The following ZFAND4 variants were observed in gnomAD, a reference collection of about 807,000 sequenced individuals.
ZFAND4 encodes AN1-type zinc finger protein 4.
In ZFAND4, 43 loss-of-function variants were observed where a neutral mutation model predicts 64.4. The observed-to-expected ratio is 0.67, with a 90% CI of 0.52 to 0.86. The LOEUF is 0.86. ZFAND4 is among the 40% of genes least tolerant of loss of function. ZFAND4 has a pLI of 0.00. For missense variants in ZFAND4, 929 were observed against 859.8 expected, an observed-to-expected ratio of 1.08 and a Z score of -1.01; for synonymous variants, 296 against 305.7, an observed-to-expected ratio of 0.97 and a Z score of 0.33.
At chr10:45,664,460 G>A (rs1005754214) in intron 1 of ZFAND4, among the ~76,000 whole-genome samples, 1 of 151,358 alleles carries the variant, frequency 6.6e-6, no homozygotes, top group African/African-American at 2.4e-5. Context: ...GTAGAGACGG[G>A]GTTTCACCAC....
At chr10:45,648,943 C>T (rs117029589) in intron 4 of ZFAND4, 31,686 of 984,700 alleles carry the variant, frequency 0.032, 550 homozygotes, top group East Asian at 0.049. Context: ...ATAATTAAAA[C>T]CAAAATAAAT....
chr10:45,659,021 G>A (rs2048310967), intron 2 of ZFAND4, among the ~76,000 whole-genome samples: 3 of 152,174 alleles, frequency 2.0e-5, no homozygotes, highest in South Asian at 2.1e-4. Flanking sequence ...ATCCATTTAC[G>A]TGAAGCTGAA....
chr10:45,657,014 CTT>C (rs199943085), intron 2 of ZFAND4, among the ~76,000 whole-genome samples: 2,676 of 137,102 alleles, frequency 0.02, 68 homozygotes, highest in African/African-American at 0.065. Flanking sequence ...GCAACCTGAA[CTT>C]TTTTTTTTTT....
chr10:45,654,909 A>G (rs949183871), intron 2 of ZFAND4, among the ~76,000 whole-genome samples: 1 of 152,152 alleles, frequency 6.6e-6, no homozygotes. Context: ...ATAGTGGGGG[A>G]CTTTAACACT....
chr10:45,666,853 T>G (rs529374124), intron 1 of ZFAND4, among the ~76,000 whole-genome samples: 1 of 152,360 alleles, frequency 6.6e-6, no homozygotes, highest in South Asian at 2.1e-4. Context: ...GACTCTTTAT[T>G]CTGTTGATCT....
At position 45,627,054 on chromosome 10, in the gene ZFAND4, A is replaced by G; in HGVS notation, c.769T>C (p.Ser257Pro). Reference protein sequence around the residue: ...KPHPPVAPRPSSGSTAPSRHR... With the variant: ...KPHPPVAPRPPSGSTAPSRHR... ...CGAGATGGTGCAGTGGAACCACTAG[A>G]AGGTCGAGGAGCTACAGGTGGGTGA... is the stretch of plus-strand genomic sequence containing the variant. The change falls in exon 7 of 10, where the codon TCT becomes CCT. Residue 257 changes from serine (S) to proline (P), a missense_variant. Transcript: ENST00000344646. 1 of 1,588,384 alleles carries G rather than the reference A, an allele frequency of 6.3e-7. No individual in the cohort carries two copies. The highest frequency in any genetic ancestry group is 8.6e-7 in the Non-Finnish European group (1 of 1,166,216).
At chr10:45,631,706 A>C (rs1022058195) in intron 6 of ZFAND4, among the ~76,000 whole-genome samples, 7 of 152,300 alleles carry the variant, frequency 4.6e-5, no homozygotes, top group Admixed American at 3.3e-4. Context: ...GTAAGGATTA[A>C]GGCTAATGTT....
chr10:45,660,098 C>T (rs1395810430), intron 2 of ZFAND4, among the ~76,000 whole-genome samples: 2 of 147,490 alleles, frequency 1.4e-5, no homozygotes, highest in Admixed American at 1.4e-4. Context: ...GGAGGCAGAG[C>T]TTGCAGTGAG....
chr10:45,655,876 G>A (rs1250933086), intron 2 of ZFAND4, among the ~76,000 whole-genome samples: 1 of 152,086 alleles, frequency 6.6e-6, no homozygotes, highest in African/African-American at 2.4e-5. Context: ...TTTTTAAATT[G>A]CAAACAACAA....
intron 2 of ZFAND4, among the ~76,000 whole-genome samples, chr10:45,662,898 G>A (rs974468758): frequency 6.6e-6 from 1 of 151,974 alleles, no homozygotes; most frequent in African/African-American, 2.4e-5. Flanking sequence ...ACTAAAAACT[G>A]GATTTTTAAC....
At chr10:45,662,613 T>A (rs2048551746) in intron 2 of ZFAND4, 2 of 985,330 alleles carry the variant, frequency 2.0e-6, no homozygotes, top group Non-Finnish European at 2.4e-6. Context: ...GCTTCAAGAG[T>A]CATTACTGAA....
At chr10:45,633,481 G>C (rs2046357524) in intron 6 of ZFAND4, among the ~76,000 whole-genome samples, 2 of 151,926 alleles carry the variant, frequency 1.3e-5, no homozygotes, top group Non-Finnish European at 2.9e-5. Context: ...GAAATGAGAA[G>C]ATCCCTTGGT....
chr10:45,668,450 G>C (rs1315381886), intron 1 of ZFAND4, among the ~76,000 whole-genome samples: 1 of 152,230 alleles, frequency 6.6e-6, no homozygotes, highest in East Asian at 1.9e-4. Flanking sequence ...AAAGACCATT[G>C]ATGCTGTGAA....
chr10:45,634,930 C>T (rs910487336), intron 6 of ZFAND4, among the ~76,000 whole-genome samples: 3 of 151,442 alleles, frequency 2.0e-5, no homozygotes, highest in Non-Finnish European at 4.4e-5. Context: ...AATAAAATAC[C>T]TAGGAATAAA....
chr10:45,662,648 G>A (rs563829149), intron 2 of ZFAND4: 53 of 985,366 alleles, frequency 5.4e-5, no homozygotes, highest in Admixed American at 1.2e-4. Context: ...CACTGGACTC[G>A]GCCAGCCACT....
chr10:45,659,097 G>A (rs2048313589), intron 2 of ZFAND4, among the ~76,000 whole-genome samples: 1 of 152,338 alleles, frequency 6.6e-6, no homozygotes, highest in African/African-American at 2.4e-5. Context: ...TAGAGGCTGA[G>A]TGTGGACTAG....
At chr10:45,669,647 C>T (rs2049051848) in intron 1 of ZFAND4, among the ~76,000 whole-genome samples, 1 of 152,176 alleles carries the variant, frequency 6.6e-6, no homozygotes, top group Non-Finnish European at 1.5e-5. Context: ...TACTGGCACA[C>T]CGAATCCAGC....
At chr10:45,618,382 G>T in intron 8 of ZFAND4, 122 bp from the exon 9 acceptor site, 1 of 1,247,354 alleles carries the variant, frequency 8.0e-7, no homozygotes, top group Non-Finnish European at 1.1e-6. Context: ...AAATTAATTT[G>T]TGCTATTTTT....
chr10:45,616,403 T>C lies in ZFAND4; in HGVS notation c.*33A>G. 6.2e-7 allele frequency: 1 copy of C among 1,608,732 alleles called. No homozygotes were observed. On this transcript the variant is annotated 3_prime_UTR_variant, in exon 10 of 10. Transcript: ENST00000344646. Reference sequence around the variant, plus strand: ...ATTTCTTCTGTCATTATAATACGAATCCCGGGCAGAACAGTAAGATGTAGA... The same window carrying C: ...ATTTCTTCTGTCATTATAATACGAACCCCGGGCAGAACAGTAAGATGTAGA...
Sources: gnomAD v4.1 joint callset for allele counts (sites outside exome capture counted in the v4.1 genomes callset) on GRCh38, gnomAD v4.1.1 for gene constraint, MANE v1.5 for transcripts, NCBI Gene and HGNC (gene_info 2026-07-23, HGNC 2026-07-21) for gene names.